The following IGHMBP2 variants were observed in gnomAD, a reference collection of about 807,000 sequenced individuals.
IGHMBP2 encodes immunoglobulin mu DNA binding protein 2.
IGHMBP2 carries 81 observed loss-of-function variants against 96.0 expected under a neutral mutation model. That is an observed-to-expected ratio of 0.84 (90% confidence interval 0.71 to 1.01). The LOEUF is 1.01. Among genes scored for constraint, IGHMBP2 ranks in the 50% least tolerant of loss-of-function variants. The pLI is 0.00. For synonymous variants in IGHMBP2, 557 were observed against 548.9 expected (o/e 1.01, Z -0.21); for missense variants, 1,227 against 1,306.3 (o/e 0.94, Z 0.94).
In IGHMBP2 at chr11:68,917,845, G is replaced by A. The variant is rs1022216138; in HGVS notation, c.1022G>A (p.Ser341Asn). Residue 341 changes from serine to asparagine, a missense_variant, in exon 7 of 15, where the codon AGC becomes AAC. Coordinates refer to ENST00000255078, the MANE Select transcript of IGHMBP2 (RefSeq NM_002180.3). ...KEREEAAMLE[S>N]LTSANVVLAT... ...AGGGAAGAAGCAGCTATGCTCGAGA[G>A]CCTCACTTCGGCAAACGTGGTCCTT... The A allele has an allele frequency of 4.3e-6, 7 of 1,614,028 alleles. No individual in the cohort carries two copies. The highest frequency in any genetic ancestry group is 1.6e-4 in the Middle Eastern group (1 of 6,064).
chr11:68,938,151 C>T (rs534457713), intron 13 of IGHMBP2, 31 bp from the exon 14 acceptor site: 8 of 1,613,058 alleles, frequency 5.0e-6, no homozygotes, highest in South Asian at 3.3e-5. Context: ...GTTGTCTTTC[C>T]GTTTGCCTGA....
chr11:68,932,842 G>C (rs1859365026), intron 8 of IGHMBP2: 1 of 176,840 alleles, frequency 5.7e-6, no homozygotes, highest in East Asian at 1.5e-4. Context: ...TCTTCTGGAG[G>C]ATCCAGGGGA....
At position 68,929,167 on chromosome 11, in the gene IGHMBP2, T is replaced by C. The variant is rs762825951; in HGVS notation, c.1061-16T>C. The stretch of plus-strand genomic sequence containing the variant: ...AGCTGTGCCCCTGGAGACTCCCGGC[T>C]CCCTGTTTCCACCAGGTGCGTCTGC... On this transcript the variant is annotated splice_polypyrimidine_tract_variant and intron_variant, in intron 7 of 14. Coordinates refer to ENST00000255078, the MANE Select transcript of IGHMBP2 (RefSeq NM_002180.3). The C allele has an allele frequency of 6.2e-7, 1 of 1,610,788 alleles. No homozygotes were observed. Among genetic ancestry groups the C allele is most frequent in the Non-Finnish European group, 8.5e-7 (1 of 1,179,902 alleles).
rs786205089 is a variant in IGHMBP2 at position 68,911,565 on chromosome 11, GT to G, written c.675del (p.Glu226ArgfsTer7). On this transcript the variant is annotated frameshift_variant, in exon 5 of 15. Coordinates refer to ENST00000255078, the MANE Select transcript of IGHMBP2 (RefSeq NM_002180.3). LOFTEE classifies it high-confidence loss of function. Reference sequence around the variant, plus strand: ...TGGCACTGGGAAAACCACGACTGTGGTTGAGATCATTCTTCAAGCTGTGAAA... The same window carrying G: ...TGGCACTGGGAAAACCACGACTGTGGTGAGATCATTCTTCAAGCTGTGAAA... ...PPGTGKTTTV[V>X]EIILQAVKQG... 1 of 1,614,228 alleles carries G rather than the reference GT, an allele frequency of 6.2e-7. No individual in the cohort carries two copies. Among genetic ancestry groups the G allele is most frequent in the Non-Finnish European group, 8.5e-7 (1 of 1,180,050 alleles).
intron 12 of IGHMBP2, among the ~76,000 whole-genome samples, chr11:68,935,659 G>A (rs966027736): frequency 1.3e-5 from 2 of 152,174 alleles, no homozygotes; most frequent in Non-Finnish European, 2.9e-5. Context: ...GGGGGCGCAG[G>A]GTGGGCTGGG....
At chr11:68,911,305 A>G (rs1342959984) in intron 4 of IGHMBP2, 135 bp from the exon 5 acceptor site, 14 of 802,576 alleles carry the variant, frequency 1.7e-5, no homozygotes, top group Non-Finnish European at 2.5e-5. Flanking sequence ...TTTTGTGTTG[A>G]TTGGGTTGCC....
chr11:68,937,841 C>T, intron 13 of IGHMBP2: 1 of 318,506 alleles, frequency 3.1e-6, no homozygotes, highest in Admixed American at 4.3e-5. Context: ...AATTCACTCC[C>T]CAAACCTTTG....
Position 68,926,559 on chromosome 11 carries a change from A to G in IGHMBP2, c.1061-2624A>G, listed in dbSNP as rs1433964815. 3.3e-5 allele frequency among the ~76,000 whole-genome samples: 5 copies of G among 151,806 alleles called. No homozygotes were observed. In the South Asian group the frequency reaches 8.3e-4, roughly 25 times the overall value. On this transcript the variant is annotated intron_variant, in intron 7 of 14. Coordinates refer to ENST00000255078, the MANE Select transcript of IGHMBP2 (RefSeq NM_002180.3). Reference sequence around the variant, plus strand: ...GCTGGGATTACAGGCATGAACCACCATGCCAGCCTCTGTGTGGTACTTTTT... The same window carrying G: ...GCTGGGATTACAGGCATGAACCACCGTGCCAGCCTCTGTGTGGTACTTTTT...
chr11:68,929,627 C>A (rs1859198283), intron 8 of IGHMBP2: 3 of 563,050 alleles, frequency 5.3e-6, no homozygotes, highest in Non-Finnish European at 4.5e-6. Flanking sequence ...TCCGTCCCTG[C>A]TTGTTGAGTT....
intron 7 of IGHMBP2, among the ~76,000 whole-genome samples, chr11:68,918,451 A>T (rs1858754107): frequency 6.6e-6 from 1 of 151,956 alleles, no homozygotes; most frequent in Non-Finnish European, 1.5e-5. Flanking sequence ...AGACCTGCCT[A>T]GCCAACATGG....
chr11:68,906,274 T>C, intron 2 of IGHMBP2, 36 bp downstream of exon 2: 2 of 1,608,162 alleles, frequency 1.2e-6, no homozygotes, highest in South Asian at 2.2e-5. Flanking sequence ...CATTGAAATT[T>C]ACTGGCATTC....
At chr11:68,933,658 C>T in intron 9 of IGHMBP2, 137 bp from the exon 10 acceptor site, 1 of 990,082 alleles carries the variant, frequency 1.0e-6, no homozygotes, top group Non-Finnish European at 1.6e-6. Flanking sequence ...CCCGCTCCCT[C>T]CCTTCTGATG....
At chr11:68,920,962 C>G (rs1401564582) in intron 7 of IGHMBP2, among the ~76,000 whole-genome samples, 1 of 151,894 alleles carries the variant, frequency 6.6e-6, no homozygotes, top group Non-Finnish European at 1.5e-5. Context: ...TAAAAATGTT[C>G]TTTTCTTTTT....
intron 7 of IGHMBP2, among the ~76,000 whole-genome samples, chr11:68,927,067 G>GT (rs1169434553): frequency 6.6e-6 from 1 of 152,160 alleles, no homozygotes; most frequent in Non-Finnish European, 1.5e-5. Context: ...CTGGCCTCAA[G>GT]TATCTGTTGA....
Position 68,936,329 on chromosome 11 carries a change from G to A in IGHMBP2, c.1849G>A (p.Val617Ile), listed in dbSNP as rs756289160. The A allele has an allele frequency of 1.2e-6, 2 of 1,614,200 alleles. No individual in the cohort carries two copies. The highest frequency in any genetic ancestry group is 1.7e-5 in the Admixed American group (1 of 60,036). The change falls in exon 13 of 15, where the codon GTC becomes ATC. Residue 617 changes from valine to isoleucine, a missense_variant. Val to Ile is a conservative substitution (Grantham distance 29). Around this residue, in one of 3 missense-constraint regions of IGHMBP2, gnomAD observed 703 missense variants for 770.3 expected, o/e 0.91. Transcript: ENST00000255078. ...GGCGGTCATCTGTGACTCCCGTACT[G>A]TCAACAACCATGCATTTTTGAAGAC... ...HVAVICDSRT[V>I]NNHAFLKTLV... is the part of the protein sequence containing the mutation.
At chr11:68,909,159 A>G (rs1160377330) in intron 4 of IGHMBP2, among the ~76,000 whole-genome samples, 2 of 110,920 alleles carry the variant, frequency 1.8e-5, no homozygotes, top group African/African-American at 3.5e-5. Context: ...TTTTTAGTTA[A>G]AAAAATTTTT....
At position 68,938,276 on chromosome 11, in the gene IGHMBP2, C is replaced by T; in HGVS notation, c.2706C>T (p.Cys902=). ...KADNTCGFAK[C]TAGVTTLGQF... is the part of the protein sequence containing the mutation. ...ATAACACCTGCGGCTTTGCCAAGTGCACAGCCGGCGTCACAACCCTGGGCC... is the reference window on the plus strand; with the variant it reads ...ATAACACCTGCGGCTTTGCCAAGTGTACAGCCGGCGTCACAACCCTGGGCC... Residue 902 remains cysteine (C), a synonymous_variant, in exon 14 of 15, where the codon TGC becomes TGT. Coordinates refer to ENST00000255078, the MANE Select transcript of IGHMBP2 (RefSeq NM_002180.3). 2 of 1,613,812 alleles carry T rather than the reference C, an allele frequency of 1.2e-6. No homozygotes were observed. Among genetic ancestry groups the T allele is most frequent in the South Asian group, 1.1e-5 (1 of 91,078 alleles).
chr11:68,915,166 CTTTT>C (rs71043470), intron 6 of IGHMBP2, 143 bp downstream of exon 6: 995 of 205,530 alleles, frequency 4.8e-3, no homozygotes, highest in South Asian at 0.01. Context: ...TTGGGCTGCC[CTTTT>C]TTTTTTTTTT....
Position 68,917,810 on chromosome 11 carries a change from A to G in IGHMBP2, c.987A>G (p.Glu329=), listed in dbSNP as rs1428644615. 3 of 1,613,888 alleles carry G rather than the reference A, an allele frequency of 1.9e-6. No individual in the cohort carries two copies. In the African/African-American group the frequency reaches 4.0e-5, roughly 22 times the overall value. Residue 329 remains glutamate (E), a synonymous_variant, in exon 7 of 15, where the codon GAA becomes GAG. Coordinates refer to ENST00000255078, the MANE Select transcript of IGHMBP2 (RefSeq NM_002180.3). The part of the protein sequence containing the change: ...FRNEIKLLRK[E]LKEREEAAML... Reference sequence around the variant, plus strand: ...ATGAAATTAAGCTGTTAAGAAAAGAACTGAAGGAGAGGGAAGAAGCAGCTA... The same window carrying G: ...ATGAAATTAAGCTGTTAAGAAAAGAGCTGAAGGAGAGGGAAGAAGCAGCTA...
Sources: gnomAD v4.1 joint callset for allele counts (sites outside exome capture counted in the v4.1 genomes callset) on GRCh38, gnomAD v4.1.1 for gene constraint, gnomAD v4.1.1 regional missense constraint, MANE v1.5 for transcripts, NCBI Gene and HGNC (gene_info 2026-07-23, HGNC 2026-07-21) for gene names.